The following NTM variants were observed in gnomAD, a reference collection of about 807,000 sequenced individuals.
The protein encoded by NTM is neurotrimin, also known as IgLON family member 2.
A neutral mutation model predicts 42.1 loss-of-function variants in NTM; 13 were observed. That is an observed-to-expected ratio of 0.31 (90% CI 0.20 to 0.49). NTM has a LOEUF of 0.49. Ranked by LOEUF, NTM falls within the 20% of genes least tolerant of loss-of-function variation. NTM has a pLI of 0.99. For missense variants in NTM, 373 were observed against 452.8 expected (o/e 0.82, Z 1.60); for synonymous variants, 187 against 179.2 (o/e 1.04, Z -0.35).
intron 1 of NTM, among the ~76,000 whole-genome samples, chr11:131,437,318 A>T (rs751382495): frequency 1.3e-5 from 2 of 152,174 alleles, no homozygotes; most frequent in Non-Finnish European, 2.9e-5. Flanking sequence ...TGCAGAACTG[A>T]GTTCAAGTCC....
chr11:132,140,623 C>G (rs544611270), intron 2 of NTM, among the ~76,000 whole-genome samples: 20 of 152,130 alleles, frequency 1.3e-4, no homozygotes, highest in African/African-American at 4.8e-4. Context: ...CTTTCTCTTA[C>G]AATAAAGGAG....
intron 3 of NTM, among the ~76,000 whole-genome samples, chr11:132,193,898 CT>C (rs2138314223): frequency 6.6e-6 from 1 of 152,170 alleles, no homozygotes; most frequent in South Asian, 2.1e-4. Flanking sequence ...AACCTACAGC[CT>C]CCCAAGATTG....
intron 1 of NTM, among the ~76,000 whole-genome samples, chr11:131,373,790 T>C (rs951812392): frequency 1.3e-5 from 2 of 152,114 alleles, no homozygotes; most frequent in African/African-American, 4.8e-5. Flanking sequence ...TTGGCTAGGT[T>C]CCTCTCTTAC....
chr11:131,558,666 T>A (rs1156876637), intron 1 of NTM, among the ~76,000 whole-genome samples: 1 of 152,188 alleles, frequency 6.6e-6, no homozygotes, highest in Admixed American at 6.5e-5. Flanking sequence ...ACCCAGGCAG[T>A]GTATGCCTTG....
intron 1 of NTM, among the ~76,000 whole-genome samples, chr11:131,630,707 C>T (rs2063567731): frequency 6.6e-6 from 1 of 152,178 alleles, no homozygotes; most frequent in Non-Finnish European, 1.5e-5. Context: ...TGCTGTATCC[C>T]TCCCAGGTCA....
chr11:132,097,013 G>A (rs74802478), intron 2 of NTM, among the ~76,000 whole-genome samples: 21,070 of 152,118 alleles, frequency 0.14, 1,595 homozygotes, highest in South Asian at 0.2. Context: ...CTATGACCAA[G>A]GGTTACTAAC....
chr11:132,322,163 A>C (rs1032348510), intron 7 of NTM, among the ~76,000 whole-genome samples: 22 of 152,138 alleles, frequency 1.4e-4, no homozygotes, highest in African/African-American at 5.1e-4. Context: ...GACAGGATCA[A>C]ATTCACACAT....
At chr11:132,006,579 C>T (rs1177879228) in intron 2 of NTM, among the ~76,000 whole-genome samples, 1 of 152,244 alleles carries the variant, frequency 6.6e-6, no homozygotes, top group Non-Finnish European at 1.5e-5. Flanking sequence ...TTAAAGACAG[C>T]CCTGGAAGAG....
intron 1 of NTM, among the ~76,000 whole-genome samples, chr11:131,797,293 C>T (rs966955791): frequency 1.3e-4 from 20 of 152,138 alleles, no homozygotes; most frequent in African/African-American, 4.8e-4. Context: ...CATCTCCATC[C>T]ACACATTGTT....
At chr11:131,719,494 G>A (rs1404346602) in intron 1 of NTM, among the ~76,000 whole-genome samples, 3 of 152,180 alleles carry the variant, frequency 2.0e-5, no homozygotes, top group Non-Finnish European at 4.4e-5. Context: ...GGAGGTGCTT[G>A]TAACAAAAGC....
chr11:131,429,643 T>C (rs1164093046), intron 1 of NTM, among the ~76,000 whole-genome samples: 2 of 152,186 alleles, frequency 1.3e-5, no homozygotes, highest in Non-Finnish European at 2.9e-5. Flanking sequence ...TTGACAACTC[T>C]GGTGTTTCCA....
intron 1 of NTM, among the ~76,000 whole-genome samples, chr11:131,869,427 G>A (rs2047557428): frequency 6.6e-6 from 1 of 152,224 alleles, no homozygotes; most frequent in Non-Finnish European, 1.5e-5. Flanking sequence ...AGATGTGGAA[G>A]CAATATAAGA....
In NTM at chr11:132,310,194, C is replaced by G. The variant is rs1317971704; in HGVS notation, c.744C>G (p.Val248=). ...KGTLQCEASA[V]PSAEFQWYKD... ...CACTGCAGTGTGAAGCCTCAGCAGT[C>G]CCCTCAGCAGAATTCCAGTGGTACA... The change falls in exon 6 of 9, where the codon GTC becomes GTG. Residue 248 remains valine (V), a synonymous_variant. Coordinates refer to ENST00000683400, the MANE Select transcript of NTM (RefSeq NM_001352005.2). The G allele has an allele frequency of 1.9e-6, 3 of 1,610,924 alleles. No homozygotes were observed. Among genetic ancestry groups the G allele is most frequent in the South Asian group, 2.2e-5 (2 of 90,496 alleles).
intron 2 of NTM, among the ~76,000 whole-genome samples, chr11:132,130,719 C>T (rs1202259984): frequency 6.6e-6 from 1 of 152,186 alleles, no homozygotes; most frequent in Non-Finnish European, 1.5e-5. Flanking sequence ...AACAGCCCTG[C>T]CCCTCAGAGA....
At chr11:131,509,450 T>A (rs2047959467) in intron 1 of NTM, among the ~76,000 whole-genome samples, 1 of 152,246 alleles carries the variant, frequency 6.6e-6, no homozygotes, top group Non-Finnish European at 1.5e-5. Context: ...GGCCTTACAA[T>A]GTATTAATAC....
At chr11:132,176,114 C>T (rs974823788) in intron 3 of NTM, among the ~76,000 whole-genome samples, 3 of 152,180 alleles carry the variant, frequency 2.0e-5, no homozygotes, top group South Asian at 2.1e-4. Flanking sequence ...AGTCACATTT[C>T]GATTTTCCTG....
At chr11:132,020,117 T>A (rs2074101867) in intron 2 of NTM, among the ~76,000 whole-genome samples, 1 of 152,260 alleles carries the variant, frequency 6.6e-6, no homozygotes, top group South Asian at 2.1e-4. Context: ...TTAGTTCACT[T>A]AGGGCAATGG....
Position 131,668,120 on chromosome 11 carries a change from G to A in NTM, c.83-243444G>A, listed in dbSNP as rs371199973. On this transcript the variant is annotated intron_variant, in intron 1 of 8. Transcript: ENST00000683400. Reference sequence around the variant, plus strand: ...CTTGCAACTCACATGAGAAGAAGCAGGATTTGAACTCATGCCAATGGAACA... The same window carrying A: ...CTTGCAACTCACATGAGAAGAAGCAAGATTTGAACTCATGCCAATGGAACA... Among the ~76,000 whole-genome samples, 20 of 152,134 alleles carry A rather than the reference G, an allele frequency of 1.3e-4. No individual in the cohort carries two copies. In the East Asian group the frequency reaches 1.4e-3, roughly 10 times the overall value.
At chr11:131,754,664 C>G (rs2083084595) in intron 1 of NTM, among the ~76,000 whole-genome samples, 1 of 151,476 alleles carries the variant, frequency 6.6e-6, no homozygotes, top group African/African-American at 2.4e-5. Flanking sequence ...TACCATATAA[C>G]CCAACCATTT....
Sources: gnomAD v4.1 joint callset for allele counts (sites outside exome capture counted in the v4.1 genomes callset) on GRCh38, gnomAD v4.1.1 for gene constraint, MANE v1.5 for transcripts, NCBI Gene and HGNC (gene_info 2026-07-23, HGNC 2026-07-21) for gene names.